The following OPCML variants were observed in gnomAD, a reference collection of about 807,000 sequenced individuals.
The protein encoded by OPCML is opioid-binding protein/cell adhesion molecule.
In OPCML, 13 loss-of-function variants were observed where a neutral mutation model predicts 37.8. The observed-to-expected ratio is 0.34, with a 90% CI of 0.22 to 0.55. OPCML has a LOEUF of 0.55. Among genes scored for constraint, OPCML ranks in the 20% least tolerant of loss-of-function variants. The probability of loss-of-function intolerance (pLI) is 0.91; values close to 1 mark genes in which losing one functional copy is unlikely to be tolerated. For synonymous variants in OPCML, 176 were observed against 168.8 expected, an observed-to-expected ratio of 1.04 and a Z score of -0.33; for missense variants, 341 against 435.6, an observed-to-expected ratio of 0.78 and a Z score of 1.93.
chr11:133,357,002 A>G (rs980848594), intron 1 of OPCML, among the ~76,000 whole-genome samples: 4 of 152,216 alleles, frequency 2.6e-5, no homozygotes, highest in Non-Finnish European at 4.4e-5. Flanking sequence ...CCCTATGTCC[A>G]TACAGAGATG....
chr11:133,388,130 A>G (rs2136801999), intron 1 of OPCML, among the ~76,000 whole-genome samples: 1 of 152,316 alleles, frequency 6.6e-6, no homozygotes, highest in South Asian at 2.1e-4. Context: ...ACTCCGCACC[A>G]TGAAGCCACC....
intron 4 of OPCML, among the ~76,000 whole-genome samples, chr11:132,497,180 G>A (rs1007021332): frequency 4.6e-5 from 7 of 152,008 alleles, no homozygotes; most frequent in African/African-American, 7.3e-5. Flanking sequence ...TATAAGTGGG[G>A]GCTGAATACT....
intron 2 of OPCML, among the ~76,000 whole-genome samples, chr11:132,905,225 C>CTTTT (rs373679886): frequency 5.9e-4 from 52 of 88,356 alleles, no homozygotes; most frequent in Non-Finnish European, 6.6e-4. Flanking sequence ...GAAAGCAGTT[C>CTTTT]TTTTTTTTTT....
At chr11:133,143,778 C>T (rs1311533516) in intron 1 of OPCML, among the ~76,000 whole-genome samples, 1 of 152,182 alleles carries the variant, frequency 6.6e-6, no homozygotes, top group East Asian at 1.9e-4. Context: ...GAGAAAGTGC[C>T]TACTTATCTT....
At chr11:132,996,706 A>G (rs546388205) in intron 1 of OPCML, among the ~76,000 whole-genome samples, 3 of 152,152 alleles carry the variant, frequency 2.0e-5, no homozygotes, top group Admixed American at 2.0e-4. Flanking sequence ...CTGGCCAGAA[A>G]AGTCTATCTC....
intron 1 of OPCML, among the ~76,000 whole-genome samples, chr11:133,458,498 G>GTGTGTATATACACATATATACAC (rs1946756905): frequency 2.1e-5 from 2 of 95,992 alleles, no homozygotes; most frequent in Non-Finnish European, 3.7e-5. Context: ...ATATACACGT[G>GTGTGTATATACACATATATACAC]TGTGTGTATA....
At chr11:132,662,427 A>G (rs1942019308) in intron 2 of OPCML, among the ~76,000 whole-genome samples, 1 of 151,968 alleles carries the variant, frequency 6.6e-6, no homozygotes, top group Admixed American at 6.6e-5. Context: ...AAAAAAAAAA[A>G]AAGTGCCAAG....
chr11:132,451,587 C>T (rs890391533), intron 4 of OPCML, among the ~76,000 whole-genome samples: 1 of 152,124 alleles, frequency 6.6e-6, no homozygotes, highest in Non-Finnish European at 1.5e-5. Context: ...TCTTGACTGG[C>T]GATTCCATTC....
chr11:132,736,146 C>G (rs1485941114), intron 2 of OPCML, among the ~76,000 whole-genome samples: 1 of 152,132 alleles, frequency 6.6e-6, no homozygotes, highest in Non-Finnish European at 1.5e-5. Context: ...TTATGCTATG[C>G]CTGTCCTTCT....
chr11:132,697,946 A>C (rs929525327), intron 2 of OPCML, among the ~76,000 whole-genome samples: 14 of 149,574 alleles, frequency 9.4e-5, no homozygotes, highest in African/African-American at 3.4e-4. Context: ...TTTGTATTTT[A>C]TTTTATATTA....
chr11:133,303,472 A>G (rs1399215338), intron 1 of OPCML, among the ~76,000 whole-genome samples: 1 of 152,182 alleles, frequency 6.6e-6, no homozygotes, highest in Admixed American at 6.5e-5. Context: ...TGAGTCTGCT[A>G]TTCATTGCGG....
At chr11:133,309,863 A>C (rs1163655408) in intron 1 of OPCML, among the ~76,000 whole-genome samples, 1 of 152,176 alleles carries the variant, frequency 6.6e-6, no homozygotes, top group Admixed American at 6.5e-5. Context: ...AGTGATGTCT[A>C]TTGGTGGGGA....
rs780107911 is a variant in OPCML at position 132,657,325 on chromosome 11, G to A, written c.147-6C>T. 6 of 1,614,002 alleles carry A rather than the reference G, an allele frequency of 3.7e-6. No individual in the cohort carries two copies. In the South Asian group the frequency reaches 4.4e-5, roughly 12 times the overall value. On this transcript the variant is annotated splice_region_variant and splice_polypyrimidine_tract_variant and intron_variant, in intron 2 of 7. Coordinates refer to ENST00000524381, the MANE Select transcript of OPCML (RefSeq NM_001012393.5). ...CCCGGTCATCTATGGTACACCTGCAGTGAGGCAGGGAGTGGTGGAGGGAGG... is the reference window on the plus strand; with the variant it reads ...CCCGGTCATCTATGGTACACCTGCAATGAGGCAGGGAGTGGTGGAGGGAGG...
intron 1 of OPCML, among the ~76,000 whole-genome samples, chr11:133,523,088 C>A (rs77743106): frequency 0.051 from 7,775 of 152,110 alleles, 648 homozygotes; most frequent in African/African-American, 0.18. Flanking sequence ...AGACAGAATC[C>A]AGAAGACAAA....
At chr11:133,282,685 C>T (rs1377982188) in intron 1 of OPCML, among the ~76,000 whole-genome samples, 2 of 152,170 alleles carry the variant, frequency 1.3e-5, no homozygotes, top group Admixed American at 1.3e-4. Flanking sequence ...CAGCTTGCCT[C>T]TTGAGTCTGG....
At chr11:132,472,772 T>C (rs1324284576) in intron 4 of OPCML, among the ~76,000 whole-genome samples, 1 of 152,236 alleles carries the variant, frequency 6.6e-6, no homozygotes, top group African/African-American at 2.4e-5. Flanking sequence ...AAGTGCTCTG[T>C]GCATCGTCAC....
intron 3 of OPCML, among the ~76,000 whole-genome samples, chr11:132,647,199 C>T (rs1056839579): frequency 6.6e-6 from 1 of 152,192 alleles, no homozygotes; most frequent in African/African-American, 2.4e-5. Flanking sequence ...CCACTGTCAA[C>T]GGAAGTGAGT....
At chr11:133,309,810 C>G (rs1943024248) in intron 1 of OPCML, among the ~76,000 whole-genome samples, 1 of 152,054 alleles carries the variant, frequency 6.6e-6, no homozygotes, top group African/African-American at 2.4e-5. Context: ...ATCCATAAGA[C>G]CAGTGATAGA....
At chr11:133,288,004 C>G (rs528168923) in intron 1 of OPCML, among the ~76,000 whole-genome samples, 25 of 152,326 alleles carry the variant, frequency 1.6e-4, no homozygotes, top group African/African-American at 6.0e-4. Flanking sequence ...ACTACATGCT[C>G]TACTCCAGTT....
Sources: gnomAD v4.1 joint callset for allele counts (sites outside exome capture counted in the v4.1 genomes callset) on GRCh38, gnomAD v4.1.1 for gene constraint, MANE v1.5 for transcripts, NCBI Gene and HGNC (gene_info 2026-07-23, HGNC 2026-07-21) for gene names.